ELMO1: variants seen among roughly 807,000 people sequenced by gnomAD.
The protein encoded by ELMO1 is engulfment and cell motility 1.
A neutral mutation model predicts 98.9 loss-of-function variants in ELMO1; 26 were observed. The ratio of observed to expected loss-of-function variants is 0.26; its 90% CI spans 0.19 to 0.36. ELMO1 has a LOEUF of 0.36. Among genes scored for constraint, ELMO1 ranks in the 10% least tolerant of loss-of-function variants. The pLI is 1.00. For missense variants in ELMO1, 627 were observed against 935.2 expected, an observed-to-expected ratio of 0.67 and a Z score of 4.30; for synonymous variants, 346 against 346.0, an observed-to-expected ratio of 1.00 and a Z score of 0.00.
intron 16 of ELMO1, among the ~76,000 whole-genome samples, chr7:37,006,640 A>T (rs1247441440): frequency 6.6e-6 from 1 of 152,228 alleles, no homozygotes; most frequent in Non-Finnish European, 1.5e-5. Flanking sequence ...GCACAGGTAT[A>T]CATACACAAA....
chr7:37,093,500 T>C (rs772108111), intron 15 of ELMO1, among the ~76,000 whole-genome samples: 15 of 152,198 alleles, frequency 9.9e-5, no homozygotes, highest in Non-Finnish European at 1.9e-4. Context: ...TTCAGAACTA[T>C]GAACTTAGGA....
In ELMO1 at chr7:37,081,520, G is replaced by C. The variant is rs544294721; in HGVS notation, c.1300+15099C>G. 1.7e-4 allele frequency among the ~76,000 whole-genome samples: 26 copies of C among 152,308 alleles called. No homozygotes were observed. The South Asian group carries it at 5.2e-3, about 30-fold the overall frequency. ...CATCATTCCCATGTGTTGTGGGAGG[G>C]ACCCAGTGGGAGATAACTGAAACAC... On this transcript the variant is annotated intron_variant, in intron 15 of 21. Coordinates refer to ENST00000310758, the MANE Select transcript of ELMO1 (RefSeq NM_014800.11).
intron 16 of ELMO1, among the ~76,000 whole-genome samples, chr7:36,957,882 AG>A (rs754234524): frequency 1.8e-4 from 27 of 152,188 alleles, no homozygotes; most frequent in Non-Finnish European, 3.5e-4. Flanking sequence ...GCTTATCTGT[AG>A]GTAGCCCCTC....
intron 16 of ELMO1, among the ~76,000 whole-genome samples, chr7:36,979,339 T>C (rs1790850786): frequency 6.6e-6 from 1 of 152,334 alleles, no homozygotes; most frequent in African/African-American, 2.4e-5. Flanking sequence ...GTTAACAGCC[T>C]CATGGGAAAT....
intron 15 of ELMO1, among the ~76,000 whole-genome samples, chr7:37,040,856 C>T (rs1026466093): frequency 6.6e-6 from 1 of 152,088 alleles, no homozygotes; most frequent in East Asian, 1.9e-4. Context: ...GTGGGCAGGT[C>T]ACCTGAGGTC....
At position 37,316,172 on chromosome 7, in the gene ELMO1, C is replaced by A. The variant is rs540448725; in HGVS notation, c.79-212G>T. 1.5e-3 allele frequency among the ~76,000 whole-genome samples: 223 copies of A among 152,242 alleles called. 1 individual carries two copies. The highest frequency in any genetic ancestry group is 1.9e-3 in the Non-Finnish European group (129 of 68,020). ...TTAATGATTTATTACCCCTGTGGTC[C>A]TTTTTTCTATACTTAGCATATTAGT... On this transcript the variant is annotated intron_variant, in intron 2 of 21. Transcript: ENST00000310758.
intron 16 of ELMO1, among the ~76,000 whole-genome samples, chr7:36,901,531 G>C (rs899695367): frequency 4.6e-5 from 7 of 152,194 alleles, no homozygotes; most frequent in Admixed American, 4.6e-4. Flanking sequence ...CAAAACACAG[G>C]TGGTGGGCTG....
chr7:37,223,962 G>A (rs1223185566), intron 9 of ELMO1, among the ~76,000 whole-genome samples: 1 of 106,722 alleles, frequency 9.4e-6, no homozygotes. Context: ...TTGTAATTGT[G>A]ACCTAATGGA....
At chr7:36,896,365 T>G (rs541466786) in intron 16 of ELMO1, among the ~76,000 whole-genome samples, 1 of 152,344 alleles carries the variant, frequency 6.6e-6, no homozygotes, top group African/African-American at 2.4e-5. Context: ...TATGATATAT[T>G]TCTTGCCTTC....
chr7:37,201,751 T>C (rs989250677), intron 13 of ELMO1, among the ~76,000 whole-genome samples: 4 of 152,208 alleles, frequency 2.6e-5, no homozygotes, highest in African/African-American at 9.7e-5. Context: ...AGCCAATGGC[T>C]GTGTGTTTGC....
chr7:37,238,724 C>G (rs1794603919), intron 7 of ELMO1, among the ~76,000 whole-genome samples: 1 of 152,056 alleles, frequency 6.6e-6, no homozygotes, highest in Non-Finnish European at 1.5e-5. Flanking sequence ...TCCCTCTATT[C>G]CTAGCTTGCT....
At chr7:37,050,356 T>TC (rs1033710422) in intron 15 of ELMO1, among the ~76,000 whole-genome samples, 2 of 152,080 alleles carry the variant, frequency 1.3e-5, no homozygotes, top group African/African-American at 4.8e-5. Context: ...TTCCTTGGCC[T>TC]CCCAAAGTGC....
At chr7:37,312,175 C>T in intron 4 of ELMO1, among the ~76,000 whole-genome samples, 1 of 152,204 alleles carries the variant, frequency 6.6e-6, no homozygotes, top group East Asian at 1.9e-4. Flanking sequence ...TCACTGCAAC[C>T]TCCACATCCC....
chr7:37,251,088 T>C (rs1346846149), intron 6 of ELMO1, among the ~76,000 whole-genome samples: 1 of 152,186 alleles, frequency 6.6e-6, no homozygotes. Flanking sequence ...ACAAAGACTG[T>C]GGTGTTTTAT....
chr7:36,922,820 T>C (rs978048921), intron 16 of ELMO1, among the ~76,000 whole-genome samples: 3 of 152,200 alleles, frequency 2.0e-5, no homozygotes, highest in Admixed American at 6.5e-5. Context: ...TTTTAAATAA[T>C]GGCTGAGTGT....
intron 1 of ELMO1, among the ~76,000 whole-genome samples, chr7:37,385,881 C>G (rs1459136187): frequency 6.6e-6 from 1 of 152,220 alleles, no homozygotes; most frequent in South Asian, 2.1e-4. Context: ...CTACCAGTGC[C>G]AGGCCCAGCT....
At chr7:36,981,419 G>A (rs539241093) in intron 16 of ELMO1, among the ~76,000 whole-genome samples, 12 of 151,952 alleles carry the variant, frequency 7.9e-5, no homozygotes, top group African/African-American at 2.4e-4. Context: ...TTGAAGGCAC[G>A]GATTTGAAGA....
intron 16 of ELMO1, among the ~76,000 whole-genome samples, chr7:36,913,043 C>T (rs1216740155): frequency 6.6e-6 from 1 of 152,192 alleles, no homozygotes; most frequent in Non-Finnish European, 1.5e-5. Context: ...TATTAGCACA[C>T]TGCTCGGGAG....
chr7:37,364,300 A>G (rs1801813222), intron 1 of ELMO1, among the ~76,000 whole-genome samples: 1 of 152,218 alleles, frequency 6.6e-6, no homozygotes, highest in South Asian at 2.1e-4. Flanking sequence ...GGTTGAGTGT[A>G]TTCTGCCAAA....
Sources: gnomAD v4.1 joint callset for allele counts (sites outside exome capture counted in the v4.1 genomes callset) on GRCh38, gnomAD v4.1.1 for gene constraint, MANE v1.5 for transcripts, NCBI Gene and HGNC (gene_info 2026-07-23, HGNC 2026-07-21) for gene names.